Variants in FAM178B observed in about 807,000 individuals in gnomAD.
The protein encoded by FAM178B is protein FAM178B.
A neutral mutation model predicts 91.7 loss-of-function variants in FAM178B; 82 were observed. The ratio of observed to expected loss-of-function variants is 0.89; its 90% CI spans 0.75 to 1.07. FAM178B has a LOEUF of 1.07. Ranked by LOEUF, FAM178B falls within the 50% of genes least tolerant of loss-of-function variation. The pLI, the probability that FAM178B is intolerant of heterozygous loss-of-function variation, is 0.00. For missense variants in FAM178B, 769 were observed against 846.7 expected, an observed-to-expected ratio of 0.91 and a Z score of 1.14; for synonymous variants, 368 against 359.4, an observed-to-expected ratio of 1.02 and a Z score of -0.27.
chr2:96,941,830 C>T (rs1229107725), intron 8 of FAM178B, among the ~76,000 whole-genome samples: 3 of 152,202 alleles, frequency 2.0e-5, no homozygotes, highest in African/African-American at 7.2e-5. Context: ...TGATAGAGCT[C>T]CTTTTCCGAA....
intron 1 of FAM178B, among the ~76,000 whole-genome samples, chr2:96,975,288 A>G (rs1257909994): frequency 1.3e-5 from 2 of 152,158 alleles, no homozygotes; most frequent in Non-Finnish European, 2.9e-5. Flanking sequence ...GTATAGTAAC[A>G]TATAGTATTC....
chr2:96,908,891 A>G (rs2081102585), intron 12 of FAM178B, among the ~76,000 whole-genome samples: 1 of 152,090 alleles, frequency 6.6e-6, no homozygotes, highest in African/African-American at 2.4e-5. Context: ...CTCGCCTGTA[A>G]CCCCAGCACT....
chr2:96,944,048 G>A (rs1281370786), intron 8 of FAM178B, among the ~76,000 whole-genome samples: 1 of 152,066 alleles, frequency 6.6e-6, no homozygotes, highest in African/African-American at 2.4e-5. Flanking sequence ...TTCGAGACCA[G>A]ACTGGCCAAC....
chr2:96,961,849 A>G (rs560724043), intron 5 of FAM178B, among the ~76,000 whole-genome samples: 2 of 152,252 alleles, frequency 1.3e-5, no homozygotes, highest in South Asian at 4.1e-4. Context: ...ATGGCACAAC[A>G]AATGGGAACG....
At chr2:96,959,792 T>C (rs770132187) in intron 6 of FAM178B, among the ~76,000 whole-genome samples, 13 of 152,242 alleles carry the variant, frequency 8.5e-5, no homozygotes, top group Non-Finnish European at 1.5e-4. Context: ...ATAATGATCA[T>C]GCATTTACTC....
rs757055995 is a variant in FAM178B, at chr2:96,923,567, C to T, written c.1210G>A (p.Ala404Thr). ...WHGGRVLPGE[A>T]GLNENEEQDA... is the part of the protein sequence containing the mutation. ...TGCTCCTCATTCTCATTCAGGCCAG[C>T]CTCGCCTGGAAGCACCCTGTGGTAA... Residue 404 changes from alanine to threonine, a missense_variant, in exon 10 of 17, where the codon GCT (alanine) becomes ACT (threonine). Ala to Thr is a moderately conservative substitution (Grantham distance 58). Transcript: ENST00000490605. The T allele has an allele frequency of 1.5e-5, 24 of 1,551,454 alleles. No homozygotes were observed. In the South Asian group the frequency reaches 2.9e-4, roughly 18 times the overall value.
At chr2:96,924,362 CT>C (rs1446834825) in intron 9 of FAM178B, among the ~76,000 whole-genome samples, 1 of 152,212 alleles carries the variant, frequency 6.6e-6, no homozygotes, top group Non-Finnish European at 1.5e-5. Flanking sequence ...TGAAAACCCC[CT>C]CCAAAGGTGT....
intron 12 of FAM178B, among the ~76,000 whole-genome samples, chr2:96,904,994 C>T (rs2081003738): frequency 2.6e-5 from 4 of 151,860 alleles, no homozygotes; most frequent in Admixed American, 2.6e-4. Context: ...AACTCCTGAC[C>T]TCATGATCTA....
chr2:96,924,938 G>C (rs1167443467), intron 9 of FAM178B, among the ~76,000 whole-genome samples: 1 of 152,104 alleles, frequency 6.6e-6, no homozygotes. Flanking sequence ...GGAGAGATCT[G>C]TCTCCGAGGT....
intron 12 of FAM178B, among the ~76,000 whole-genome samples, chr2:96,917,656 G>C (rs1366883988): frequency 6.6e-6 from 1 of 152,216 alleles, no homozygotes; most frequent in Non-Finnish European, 1.5e-5. Context: ...AGGGATTTGA[G>C]ATCGGCCTGC....
intron 13 of FAM178B, chr2:96,898,127 C>A: frequency 3.0e-6 from 3 of 985,480 alleles, no homozygotes; most frequent in Non-Finnish European, 3.6e-6. Context: ...AATTCTAAAC[C>A]CCTGTGCCCC....
chr2:96,970,980 T>C (rs933611364), intron 3 of FAM178B, among the ~76,000 whole-genome samples: 1 of 151,910 alleles, frequency 6.6e-6, no homozygotes, highest in Non-Finnish European at 1.5e-5. Context: ...CAGCCACCTG[T>C]TCCCTCCCCA....
intron 8 of FAM178B, among the ~76,000 whole-genome samples, chr2:96,932,796 C>G (rs1351911231): frequency 6.6e-6 from 1 of 151,884 alleles, no homozygotes; most frequent in African/African-American, 2.4e-5. Flanking sequence ...AAAAATTAGC[C>G]GGGCATGGTG....
chr2:96,936,351 G>A (rs539322592), intron 8 of FAM178B, among the ~76,000 whole-genome samples: 14 of 139,146 alleles, frequency 1.0e-4, no homozygotes, highest in Admixed American at 3.6e-4. Context: ...ACAGGCGCCC[G>A]CCACCACGCC....
At chr2:96,929,552 T>C (rs1348932094) in intron 8 of FAM178B, among the ~76,000 whole-genome samples, 1 of 152,256 alleles carries the variant, frequency 6.6e-6, no homozygotes, top group Non-Finnish European at 1.5e-5. Context: ...CTTCAAGGTA[T>C]GGCTGCACTT....
intron 13 of FAM178B, among the ~76,000 whole-genome samples, chr2:96,901,764 C>A (rs2080937399): frequency 6.6e-6 from 1 of 151,962 alleles, no homozygotes; most frequent in Non-Finnish European, 1.5e-5. Context: ...CTTAAGGTCC[C>A]TGAATTGTAC....
At chr2:96,942,273 T>A (rs1335433098) in intron 8 of FAM178B, among the ~76,000 whole-genome samples, 1 of 152,194 alleles carries the variant, frequency 6.6e-6, no homozygotes, top group Non-Finnish European at 1.5e-5. Context: ...AAGATAGCAA[T>A]AGTACCCAAA....
At chr2:96,962,812 G>A (rs936749195) in intron 5 of FAM178B, among the ~76,000 whole-genome samples, 4 of 152,168 alleles carry the variant, frequency 2.6e-5, no homozygotes, top group African/African-American at 9.7e-5. Flanking sequence ...TTTCTGTGAC[G>A]GGCAGTTGTG....
At chr2:96,894,935 C>A in intron 13 of FAM178B, 1 of 619,122 alleles carries the variant, frequency 1.6e-6, no homozygotes, top group South Asian at 1.8e-5. Flanking sequence ...CCACCCCCTG[C>A]ACTGCCGCTC....
Sources: gnomAD v4.1 joint callset for allele counts (sites outside exome capture counted in the v4.1 genomes callset) on GRCh38, gnomAD v4.1.1 for gene constraint, MANE v1.5 for transcripts, NCBI Gene and HGNC (gene_info 2026-07-23, HGNC 2026-07-21) for gene names.